LRCH1: variants seen among roughly 807,000 people sequenced by gnomAD.
The protein encoded by LRCH1 is leucine-rich repeat and calponin homology domain-containing protein 1.
LRCH1 carries 23 observed loss-of-function variants against 94.9 expected under a neutral mutation model. The observed-to-expected ratio is 0.24, with a 90% confidence interval of 0.17 to 0.34. The LOEUF (loss-of-function observed/expected upper bound fraction) is 0.34, where lower values mean the gene tolerates loss of function less well. Among genes scored for constraint, LRCH1 ranks in the 10% least tolerant of loss-of-function variants. The pLI is 1.00. For missense variants in LRCH1, 790 were observed against 945.9 expected (o/e 0.84, Z 2.16); for synonymous variants, 364 against 354.9 (o/e 1.03, Z -0.29).
chr13:46,580,600 CT>C (rs945327798), intron 1 of LRCH1, among the ~76,000 whole-genome samples: 11 of 152,160 alleles, frequency 7.2e-5, no homozygotes, highest in Non-Finnish European at 1.5e-5. Context: ...ATTGATTCAC[CT>C]TTTGTAGCAG....
At chr13:46,688,649 G>C (rs1870742276) in intron 6 of LRCH1, among the ~76,000 whole-genome samples, 1 of 151,926 alleles carries the variant, frequency 6.6e-6, no homozygotes, top group Non-Finnish European at 1.5e-5. Context: ...TTAAAATTTT[G>C]GACTACTCTA....
chr13:46,624,238 A>G (rs1004738810), intron 1 of LRCH1, among the ~76,000 whole-genome samples: 21 of 152,286 alleles, frequency 1.4e-4, no homozygotes, highest in Non-Finnish European at 8.8e-5. Context: ...ATTAGATTAT[A>G]AAGTTTGTGG....
chr13:46,695,301 G>T (rs1414986539), intron 9 of LRCH1, among the ~76,000 whole-genome samples: 3 of 152,166 alleles, frequency 2.0e-5, no homozygotes, highest in East Asian at 3.8e-4. Context: ...CCATTGCCAC[G>T]CAGTAAAAGC....
chr13:46,643,697 T>G (rs1333244998), intron 1 of LRCH1, among the ~76,000 whole-genome samples: 1 of 152,110 alleles, frequency 6.6e-6, no homozygotes, highest in African/African-American at 2.4e-5. Flanking sequence ...ACATGCCCAT[T>G]TTTTTTGCAC....
intron 17 of LRCH1, 103 bp from the exon 18 acceptor site, chr13:46,728,744 A>G: frequency 6.6e-6 from 7 of 1,061,190 alleles, no homozygotes; most frequent in Middle Eastern, 4.4e-4. Flanking sequence ...CTTATTTCCT[A>G]TGATGAAATT....
chr13:46,639,197 C>T (rs930715429), intron 1 of LRCH1, among the ~76,000 whole-genome samples: 1 of 152,136 alleles, frequency 6.6e-6, no homozygotes. Flanking sequence ...GATAACATAC[C>T]AGCAAAGCAG....
chr13:46,691,390 T>A (rs895440290), intron 7 of LRCH1, among the ~76,000 whole-genome samples: 1 of 152,256 alleles, frequency 6.6e-6, no homozygotes, highest in East Asian at 1.9e-4. Flanking sequence ...CTACTACAGT[T>A]GTTTAGCATT....
intron 1 of LRCH1, among the ~76,000 whole-genome samples, chr13:46,591,559 A>T (rs1257204258): frequency 6.6e-6 from 1 of 152,234 alleles, no homozygotes; most frequent in Non-Finnish European, 1.5e-5. Flanking sequence ...TGAGAGCTTG[A>T]GGGTAACCCC....
rs201473288 is a variant in LRCH1, at chr13:46,705,251, T to C, written c.1491-17T>C. On this transcript the variant is annotated splice_polypyrimidine_tract_variant and intron_variant, in intron 12 of 19. Transcript: ENST00000389797. ...ATTTCACTTTGTATCTTTTTTTTTC[T>C]TTCCTTGTTCTCACAGTGGTCAAAT... 2 of 1,599,138 alleles carry C rather than the reference T, an allele frequency of 1.3e-6. No individual in the cohort carries two copies. Among genetic ancestry groups the C allele is most frequent in the Non-Finnish European group, 1.7e-6 (2 of 1,175,416 alleles).
chr13:46,735,018 G>A (rs1873300762), intron 19 of LRCH1, among the ~76,000 whole-genome samples: 1 of 149,518 alleles, frequency 6.7e-6, no homozygotes, highest in Non-Finnish European at 1.5e-5. Flanking sequence ...TCTTTTTTCA[G>A]CTTGGTGGGA....
intron 1 of LRCH1, among the ~76,000 whole-genome samples, chr13:46,630,211 C>T (rs1489394231): frequency 6.6e-6 from 1 of 152,168 alleles, no homozygotes; most frequent in Non-Finnish European, 1.5e-5. Flanking sequence ...CAGAGCTTAT[C>T]TAGGATTTGA....
chr13:46,637,620 T>A (rs977865094), intron 1 of LRCH1, among the ~76,000 whole-genome samples: 3 of 152,218 alleles, frequency 2.0e-5, no homozygotes, highest in Non-Finnish European at 4.4e-5. Flanking sequence ...CCTCTCTTCT[T>A]TCTGTCAGCT....
At chr13:46,572,734 A>G (rs893470101) in intron 1 of LRCH1, among the ~76,000 whole-genome samples, 8 of 152,208 alleles carry the variant, frequency 5.3e-5, no homozygotes, top group East Asian at 1.9e-4. Flanking sequence ...TTTAAGTTCT[A>G]TATTCACAGC....
chr13:46,628,632 G>A (rs1160954132), intron 1 of LRCH1, among the ~76,000 whole-genome samples: 2 of 150,706 alleles, frequency 1.3e-5, no homozygotes, highest in African/African-American at 4.9e-5. Context: ...AATCCAGCCT[G>A]GGCGACAGAG....
intron 19 of LRCH1, among the ~76,000 whole-genome samples, chr13:46,739,744 A>T (rs1215649563): frequency 6.6e-6 from 1 of 152,156 alleles, no homozygotes; most frequent in East Asian, 1.9e-4. Context: ...TTCTTTAGAG[A>T]TTATGATTTA....
rs561435203 is a variant in LRCH1 at position 46,638,929 on chromosome 13, T to C, written c.308-11272T>C. Among the ~76,000 whole-genome samples the C allele has an allele frequency of 9.8e-5, 15 of 152,330 alleles. No homozygotes were observed. In the East Asian group the frequency reaches 2.9e-3, roughly 29 times the overall value. ...GTTTTTATTTGTTATTTGTGAAGTA[T>C]ATAATAAAAGAAAATCTAAGAAATT... On this transcript the variant is annotated intron_variant, in intron 1 of 19. Coordinates refer to ENST00000389797, the MANE Select transcript of LRCH1 (RefSeq NM_001164211.2).
intron 3 of LRCH1, among the ~76,000 whole-genome samples, chr13:46,676,671 G>A (rs1052696123): frequency 1.3e-5 from 2 of 152,184 alleles, no homozygotes; most frequent in African/African-American, 4.8e-5. Context: ...AAGTGTCAGA[G>A]CAAGGTCACG....
exon 19 of LRCH1, chr13:46,751,383 G>C (rs545656237): frequency 3.9e-5 from 6 of 152,168 alleles, no homozygotes; most frequent in African/African-American, 1.2e-4. Flanking sequence ...TTGACACTTT[G>C]GTTTGTGGAA....
rs1168030829 is a variant in LRCH1 at position 46,699,322 on chromosome 13, TG to T, written c.1246-13del. The T allele has an allele frequency of 1.2e-5, 19 of 1,609,348 alleles. No homozygotes were observed. The highest frequency in any genetic ancestry group is 1.5e-5 in the Non-Finnish European group (18 of 1,175,682). ...GCCAATGGTTTTCAGGAACCCTGTG[TG>T]TTTTGTCCACAGGCAAGGGCAGAAG... is the stretch of plus-strand genomic sequence containing the variant. On this transcript the variant is annotated splice_polypyrimidine_tract_variant and intron_variant, in intron 9 of 19. Transcript: ENST00000389797.
Sources: gnomAD v4.1 joint callset for allele counts (sites outside exome capture counted in the v4.1 genomes callset) on GRCh38, gnomAD v4.1.1 for gene constraint, MANE v1.5 for transcripts, NCBI Gene and HGNC (gene_info 2026-07-23, HGNC 2026-07-21) for gene names.